Variants in DNAH6 observed in about 807,000 individuals in gnomAD.
The protein encoded by DNAH6 is axonemal beta dynein heavy chain 6.
A neutral mutation model predicts 491.4 loss-of-function variants in DNAH6; 340 were observed. The observed-to-expected ratio is 0.69, with a 90% confidence interval of 0.63 to 0.76. DNAH6 has a LOEUF of 0.76. DNAH6 is among the 30% of genes least tolerant of loss of function. The pLI, the probability that DNAH6 is intolerant of heterozygous loss-of-function variation, is 0.00. For synonymous variants in DNAH6, 1,603 were observed against 1,686.1 expected, an observed-to-expected ratio of 0.95 and a Z score of 1.21; for missense variants, 4,443 against 4,972.2, an observed-to-expected ratio of 0.89 and a Z score of 3.20.
intron 28 of DNAH6, 138 bp from the exon 29 acceptor site, chr2:84,624,764 T>C: frequency 8.2e-6 from 10 of 1,224,286 alleles, no homozygotes; most frequent in Non-Finnish European, 1.1e-5. Flanking sequence ...TATTTAATTA[T>C]GTGCATGGAT....
intron 22 of DNAH6, among the ~76,000 whole-genome samples, chr2:84,614,356 C>A (rs1686626710): frequency 6.6e-6 from 1 of 152,070 alleles, no homozygotes; most frequent in Non-Finnish European, 1.5e-5. Context: ...GCTGCAAATG[C>A]CATTATTTCA....
At chr2:84,580,674 CT>C (rs1274696545) in intron 14 of DNAH6, among the ~76,000 whole-genome samples, 1 of 152,166 alleles carries the variant, frequency 6.6e-6, no homozygotes, top group African/African-American at 2.4e-5. Context: ...TCATGGTTCT[CT>C]TCAGATTTGC....
chr2:84,520,185 T>C lies in DNAH6; in HGVS notation c.225+2134T>C, dbSNP rs150742929. Among the ~76,000 whole-genome samples, 368 of 152,130 alleles carry C rather than the reference T, an allele frequency of 2.4e-3. 12 individuals carry two copies. In the East Asian group the frequency reaches 0.039, roughly 16 times the overall value. ...AAAGTTACATATATGTATAATTGTA[T>C]TTAATTGTATATTAATTTCCATATA... is the stretch of plus-strand genomic sequence containing the variant. On this transcript the variant is annotated intron_variant, in intron 2 of 76. Coordinates refer to ENST00000389394, the MANE Select transcript of DNAH6 (RefSeq NM_001370.2).
intron 33 of DNAH6, among the ~76,000 whole-genome samples, chr2:84,643,407 G>A (rs552530598): frequency 6.6e-6 from 1 of 152,096 alleles, no homozygotes; most frequent in African/African-American, 2.4e-5. Context: ...CTAAGGTTTG[G>A]TGTGTGACAT....
intron 13 of DNAH6, 64 bp from the exon 14 acceptor site, chr2:84,579,463 C>G: frequency 6.4e-7 from 1 of 1,553,552 alleles, no homozygotes; most frequent in Non-Finnish European, 8.8e-7. Flanking sequence ...TAGGATTTGT[C>G]TGAAATACAT....
intron 64 of DNAH6, among the ~76,000 whole-genome samples, chr2:84,774,290 A>G (rs1229532755): frequency 6.6e-6 from 1 of 152,148 alleles, no homozygotes; most frequent in Admixed American, 6.6e-5. Flanking sequence ...ATAGCTAGTC[A>G]GCTATCCTAA....
chr2:84,728,200 A>T (rs1386141008), intron 61 of DNAH6, among the ~76,000 whole-genome samples: 1 of 152,224 alleles, frequency 6.6e-6, no homozygotes, highest in East Asian at 1.9e-4. Context: ...CCCTAGCTGC[A>T]TGGAACTGTG....
At chr2:84,615,188 T>G (rs1686725426) in intron 22 of DNAH6, among the ~76,000 whole-genome samples, 1 of 152,178 alleles carries the variant, frequency 6.6e-6, no homozygotes, top group Admixed American at 6.6e-5. Context: ...GATTTAAGTC[T>G]TTGATCTATC....
At chr2:84,697,525 A>G (rs1318727922) in intron 46 of DNAH6, 50 bp from the exon 47 acceptor site, 2 of 1,467,578 alleles carry the variant, frequency 1.4e-6, no homozygotes, top group East Asian at 5.0e-5. Context: ...GCTTTATAAT[A>G]AATGGAAAAT....
intron 16 of DNAH6, among the ~76,000 whole-genome samples, chr2:84,593,413 C>T (rs963566152): frequency 6.6e-6 from 1 of 152,208 alleles, no homozygotes. Context: ...CCAAGGCAAT[C>T]TTAAACACTT....
At chr2:84,790,849 A>T (rs1161857300) in intron 68 of DNAH6, among the ~76,000 whole-genome samples, 1 of 152,288 alleles carries the variant, frequency 6.6e-6, no homozygotes, top group East Asian at 1.9e-4. Flanking sequence ...TAGCAATTCT[A>T]CTCCTAGATA....
chr2:84,506,969 G>T, the DNAH6 span, among the ~76,000 whole-genome samples: 78 of 152,216 alleles, frequency 5.1e-4, no homozygotes, highest in Admixed American at 7.8e-4. Context: ...GGTTACTGTA[G>T]CCTTGTAGTG....
In DNAH6 at chr2:84,683,474, G is replaced by C. The variant is rs191546818; in HGVS notation, c.6917-1852G>C. Among the ~76,000 whole-genome samples the C allele has an allele frequency of 1.0e-3, 146 of 145,716 alleles. 2 individuals carry two copies. In the East Asian group the frequency reaches 0.027, roughly 27 times the overall value. ...TTTCACTCTTGTTGCCCAGGCTGGA[G>C]TGCAGTGGCGTGATCTCGGCTCACT... On this transcript the variant is annotated intron_variant, in intron 42 of 76. Coordinates refer to ENST00000389394, the MANE Select transcript of DNAH6 (RefSeq NM_001370.2).
At chr2:84,765,512 A>G (rs1674994995) in intron 64 of DNAH6, among the ~76,000 whole-genome samples, 1 of 152,106 alleles carries the variant, frequency 6.6e-6, no homozygotes, top group African/African-American at 2.4e-5. Flanking sequence ...GTATAGAATC[A>G]CTATATTCGC....
At chr2:84,694,215 A>T in intron 45 of DNAH6, 34 bp from the exon 46 acceptor site, 1 of 1,537,022 alleles carries the variant, frequency 6.5e-7, no homozygotes, top group Non-Finnish European at 8.8e-7. Flanking sequence ...ATGTCTGTGA[A>T]CTTGAAATAA....
intron 70 of DNAH6, among the ~76,000 whole-genome samples, chr2:84,804,700 A>G (rs2105314409): frequency 6.6e-6 from 1 of 152,304 alleles, no homozygotes; most frequent in Non-Finnish European, 1.5e-5. Context: ...TAACTGATCA[A>G]CTTAAAAATG....
intron 3 of DNAH6, among the ~76,000 whole-genome samples, chr2:84,528,404 G>A (rs573005175): frequency 6.6e-6 from 1 of 152,306 alleles, no homozygotes; most frequent in South Asian, 2.1e-4. Context: ...CTATCGCATA[G>A]TGATTCCCAA....
intron 72 of DNAH6, among the ~76,000 whole-genome samples, chr2:84,809,010 G>A (rs779110133): frequency 6.6e-5 from 10 of 152,210 alleles, no homozygotes; most frequent in Non-Finnish European, 7.3e-5. Flanking sequence ...AAGACCTACT[G>A]AGTTAGAATT....
At chr2:84,556,778 A>G (rs1324531709) in intron 10 of DNAH6, among the ~76,000 whole-genome samples, 3 of 152,206 alleles carry the variant, frequency 2.0e-5, no homozygotes, top group South Asian at 2.1e-4. Flanking sequence ...ACATGTTTAC[A>G]TTGAGATATT....
Sources: allele counts gnomAD v4.1 joint callset (sites outside exome capture counted in the v4.1 genomes callset), GRCh38; gene constraint gnomAD v4.1.1; transcripts MANE v1.5; gene names NCBI Gene and HGNC (gene_info 2026-07-23, HGNC 2026-07-21).